Variants in CSMD1 observed in about 807,000 individuals in gnomAD.
CSMD1 encodes CUB and Sushi multiple domains 1.
Under a neutral mutation model 417.5 loss-of-function variants are expected in CSMD1, and 213 were observed. That is an observed-to-expected ratio of 0.51 (90% confidence interval 0.46 to 0.57). CSMD1 has a LOEUF of 0.57. CSMD1 is among the 20% of genes least tolerant of loss of function. The pLI, the probability that CSMD1 is intolerant of heterozygous loss-of-function variation, is 0.00. For missense variants in CSMD1, 6,923 were observed against 4,529.7 expected (o/e 1.53, Z -15.17); for synonymous variants, 2,862 against 1,736.8 (o/e 1.65, Z -16.11).
In CSMD1 at chr8:4,140,893, C is replaced by G. The variant is rs937129564; in HGVS notation, c.416-108794G>C. Among the ~76,000 whole-genome samples, 2 of 151,078 alleles carry G rather than the reference C, an allele frequency of 1.3e-5. 1 individual carries two copies. The highest frequency in any genetic ancestry group is 4.9e-5 in the African/African-American group (2 of 40,418). ...TGGGAGATTGCTGATCGCCAATGCA[C>G]AGGCTCAGTAGGGCCGACTTACTGC... On this transcript the variant is annotated intron_variant, in intron 3 of 69. Coordinates refer to ENST00000635120, the MANE Select transcript of CSMD1 (RefSeq NM_033225.6).
chr8:4,007,297 T>A (rs1398189137), intron 4 of CSMD1, among the ~76,000 whole-genome samples: 1 of 152,214 alleles, frequency 6.6e-6, no homozygotes, highest in Non-Finnish European at 1.5e-5. Flanking sequence ...TGAGCTGGAA[T>A]GTTGGCTTCT....
At chr8:4,198,696 A>G (rs777525976) in intron 3 of CSMD1, among the ~76,000 whole-genome samples, 8 of 152,164 alleles carry the variant, frequency 5.3e-5, no homozygotes, top group Non-Finnish European at 1.2e-4. Context: ...CAAGGACTAC[A>G]TGGATACTAA....
rs36004349 is a variant in CSMD1 at position 3,033,104 on chromosome 8, TA to T, written c.7661-3592del. Among the ~76,000 whole-genome samples, 938 of 151,912 alleles carry T rather than the reference TA, an allele frequency of 6.2e-3. 9 individuals are homozygous for T. The highest frequency in any genetic ancestry group is 0.021 in the African/African-American group (872 of 41,508). Reference sequence around the variant, plus strand: ...TATTAATTCTAGGCTACAGTTTCTATAAAAAAAATTTAAAGATATTTTATTT... The same window carrying T: ...TATTAATTCTAGGCTACAGTTTCTATAAAAAAATTTAAAGATATTTTATTT... On this transcript the variant is annotated intron_variant, in intron 50 of 69. Coordinates refer to ENST00000635120, the MANE Select transcript of CSMD1 (RefSeq NM_033225.6).
chr8:3,366,235 G>A (rs1358927481), intron 20 of CSMD1, among the ~76,000 whole-genome samples: 1 of 152,152 alleles, frequency 6.6e-6, no homozygotes, highest in African/African-American at 2.4e-5. Context: ...GGCCCTTTCT[G>A]TTGGTGGAGG....
At chr8:3,815,962 C>G (rs749085157) in intron 5 of CSMD1, among the ~76,000 whole-genome samples, 33 of 152,088 alleles carry the variant, frequency 2.2e-4, no homozygotes, top group Non-Finnish European at 3.5e-4. Context: ...ATTTATTCCT[C>G]CAATAGGTTT....
intron 5 of CSMD1, among the ~76,000 whole-genome samples, chr8:3,989,660 T>C (rs1814598495): frequency 6.6e-6 from 1 of 152,232 alleles, no homozygotes; most frequent in Admixed American, 6.5e-5. Context: ...ATGTATATGT[T>C]TATTAAGAAA....
chr8:4,639,014 C>G (rs974702684), intron 1 of CSMD1, among the ~76,000 whole-genome samples: 4 of 152,156 alleles, frequency 2.6e-5, no homozygotes, highest in African/African-American at 7.2e-5. Flanking sequence ...AAGAACAGCT[C>G]TGGGAGATTA....
intron 3 of CSMD1, among the ~76,000 whole-genome samples, chr8:4,053,342 T>C (rs1798530170): frequency 6.6e-6 from 1 of 152,142 alleles, no homozygotes; most frequent in Non-Finnish European, 1.5e-5. Flanking sequence ...GACCTTTAGT[T>C]AGTTTTACTA....
intron 3 of CSMD1, among the ~76,000 whole-genome samples, chr8:4,229,969 A>G (rs1801612003): frequency 6.6e-6 from 1 of 152,202 alleles, no homozygotes; most frequent in Non-Finnish European, 1.5e-5. Flanking sequence ...TACGTCCTAA[A>G]GCCGACATTA....
chr8:4,391,244 C>T (rs1223890021), intron 3 of CSMD1, among the ~76,000 whole-genome samples: 1 of 152,116 alleles, frequency 6.6e-6, no homozygotes, highest in East Asian at 1.9e-4. Context: ...AGACAGCCAC[C>T]ATAACTCCCC....
intron 1 of CSMD1, among the ~76,000 whole-genome samples, chr8:4,907,936 G>C (rs930377214): frequency 6.6e-6 from 1 of 152,036 alleles, no homozygotes; most frequent in Non-Finnish European, 1.5e-5. Flanking sequence ...AAAATCATTT[G>C]ATAGAAAATA....
chr8:3,085,989 C>G (rs967995986), intron 49 of CSMD1, among the ~76,000 whole-genome samples: 13 of 152,224 alleles, frequency 8.5e-5, no homozygotes, highest in Middle Eastern at 3.4e-3. Context: ...CACCGAATCC[C>G]TTTCCTGTGT....
intron 5 of CSMD1, among the ~76,000 whole-genome samples, chr8:3,870,649 T>C (rs943409566): frequency 2.0e-5 from 3 of 152,170 alleles, no homozygotes; most frequent in Admixed American, 6.5e-5. Flanking sequence ...GATCTACTTA[T>C]TTTTGCTTTT....
At chr8:4,296,019 C>A (rs1292221589) in intron 3 of CSMD1, among the ~76,000 whole-genome samples, 5 of 151,918 alleles carry the variant, frequency 3.3e-5, no homozygotes, top group African/African-American at 1.2e-4. Context: ...CCAACAACAT[C>A]TTAAAAATGA....
intron 5 of CSMD1, among the ~76,000 whole-genome samples, chr8:3,791,599 T>G (rs1799745059): frequency 6.6e-6 from 1 of 152,140 alleles, no homozygotes; most frequent in South Asian, 2.1e-4. Flanking sequence ...CTAGGAGGGT[T>G]GATCACATGA....
intron 4 of CSMD1, among the ~76,000 whole-genome samples, chr8:4,005,891 C>A (rs1816072031): frequency 6.6e-6 from 1 of 152,188 alleles, no homozygotes; most frequent in South Asian, 2.1e-4. Flanking sequence ...CTGCCAAAAT[C>A]ACTGGGAATT....
At chr8:4,219,156 G>A (rs1222356260) in intron 3 of CSMD1, among the ~76,000 whole-genome samples, 2 of 152,094 alleles carry the variant, frequency 1.3e-5, no homozygotes, top group Admixed American at 6.6e-5. Flanking sequence ...GTAGCACCTG[G>A]TGTTGTGTTC....
chr8:3,947,929 G>A (rs547568985), intron 5 of CSMD1, among the ~76,000 whole-genome samples: 16 of 152,266 alleles, frequency 1.1e-4, no homozygotes, highest in Non-Finnish European at 2.1e-4. Context: ...TGGTAGGCTG[G>A]GGGTGGCGTC....
chr8:3,033,693 C>A (rs374257595), intron 50 of CSMD1, among the ~76,000 whole-genome samples: 2 of 150,232 alleles, frequency 1.3e-5, no homozygotes, highest in African/African-American at 4.8e-5. Flanking sequence ...GTGCAGCAAA[C>A]CACCATGGCA....
Sources: gnomAD v4.1 joint callset for allele counts (sites outside exome capture counted in the v4.1 genomes callset) on GRCh38, gnomAD v4.1.1 for gene constraint, MANE v1.5 for transcripts, NCBI Gene and HGNC (gene_info 2026-07-23, HGNC 2026-07-21) for gene names.